COL27A1: variants seen among roughly 807,000 people sequenced by gnomAD.
The protein encoded by COL27A1 is collagen alpha-1(XXVII) chain.
A neutral mutation model predicts 251.3 loss-of-function variants in COL27A1; 106 were observed. That is an observed-to-expected ratio of 0.42 (90% CI 0.36 to 0.50). The LOEUF (loss-of-function observed/expected upper bound fraction) is 0.50, where lower values mean the gene tolerates loss of function less well. Among genes scored for constraint, COL27A1 ranks in the 20% least tolerant of loss-of-function variants. The probability of loss-of-function intolerance (pLI) is 0.00; values close to 1 mark genes in which losing one functional copy is unlikely to be tolerated. For synonymous variants in COL27A1, 1,000 were observed against 986.3 expected (o/e 1.01, Z -0.26); for missense variants, 2,325 against 2,522.8 (o/e 0.92, Z 1.68).
chr9:114,240,382 T>C, intron 20 of COL27A1, 52 bp from the exon 21 acceptor site: 2 of 1,598,676 alleles, frequency 1.3e-6, no homozygotes, highest in South Asian at 2.2e-5. Context: ...CAGCCTGCGA[T>C]GGAGATGGAG....
intron 12 of COL27A1, among the ~76,000 whole-genome samples, chr9:114,215,735 T>G (rs1214279403): frequency 6.6e-6 from 1 of 152,136 alleles, no homozygotes; most frequent in African/African-American, 2.4e-5. Context: ...CCAAGATCCT[T>G]TTGCGGGCTT....
intron 11 of COL27A1, 46 bp from the exon 12 acceptor site, chr9:114,210,936 C>T: frequency 1.2e-6 from 2 of 1,608,518 alleles, no homozygotes; most frequent in South Asian, 2.2e-5. Context: ...CCTGGCTGTC[C>T]CTGCTGGCAT....
chr9:114,187,697 G>A (rs34960704), intron 5 of COL27A1, among the ~76,000 whole-genome samples: 1,542 of 152,190 alleles, frequency 0.01, 6 homozygotes, highest in Non-Finnish European at 0.017. Context: ...CAATTATTGT[G>A]AACATTCTCC....
intron 5 of COL27A1, among the ~76,000 whole-genome samples, chr9:114,191,636 T>A (rs1194193129): frequency 6.6e-6 from 1 of 152,270 alleles, no homozygotes; most frequent in Non-Finnish European, 1.5e-5. Flanking sequence ...GTGATGTATA[T>A]GTACCACATT....
rs368642426 is a variant in COL27A1 at position 114,276,474 on chromosome 9, G to A, written c.3717+706G>A. 3.9e-5 allele frequency among the ~76,000 whole-genome samples: 6 copies of A among 152,318 alleles called. No homozygotes were observed. The East Asian group carries it at 1.2e-3, about 29-fold the overall frequency. On this transcript the variant is annotated intron_variant, in intron 37 of 60. Transcript: ENST00000356083. The stretch of plus-strand genomic sequence containing the variant: ...TGTAAAATTAGTCAGGCATGGTGGC[G>A]CATGCCTATAGTCTCAGTTACTCAG...
At chr9:114,287,686 C>T (rs1827602405) in intron 41 of COL27A1, among the ~76,000 whole-genome samples, 1 of 152,160 alleles carries the variant, frequency 6.6e-6, no homozygotes, top group Non-Finnish European at 1.5e-5. Flanking sequence ...CGCTCCAGTC[C>T]CGCTCTGCAC....
At chr9:114,305,179 T>C (rs1174175388) in intron 57 of COL27A1, among the ~76,000 whole-genome samples, 2 of 152,190 alleles carry the variant, frequency 1.3e-5, no homozygotes, top group Admixed American at 6.5e-5. Flanking sequence ...CTTGCCTCCT[T>C]CACATGACAG....
At chr9:114,230,283 G>A (rs564311651) in intron 14 of COL27A1, among the ~76,000 whole-genome samples, 1 of 152,170 alleles carries the variant, frequency 6.6e-6, no homozygotes, top group African/African-American at 2.4e-5. Flanking sequence ...ACAGAGGGAC[G>A]GTGTGGAGTT....
In COL27A1 at chr9:114,279,332, C is replaced by T. The variant is rs1231024961; in HGVS notation, c.3718-2945C>T. ...AATAATCCCTTCCTCCAAACACTGG[C>T]GAGAATTGAACAAACATTTATGTGG... is the stretch of plus-strand genomic sequence containing the variant. On this transcript the variant is annotated intron_variant, in intron 37 of 60. Transcript: ENST00000356083. Among the ~76,000 whole-genome samples the T allele has an allele frequency of 3.9e-5, 6 of 152,276 alleles. No homozygotes were observed. The East Asian group carries it at 5.8e-4, about 15-fold the overall frequency.
chr9:114,237,547 T>G (rs1181600718), intron 18 of COL27A1, 115 bp from the exon 19 acceptor site: 2 of 877,910 alleles, frequency 2.3e-6, no homozygotes, highest in Non-Finnish European at 3.8e-6. Flanking sequence ...CCAGGCAGAT[T>G]TTATGCACAT....
intron 57 of COL27A1, 27 bp from the exon 58 acceptor site, chr9:114,306,493 C>T (rs773840287): frequency 5.0e-6 from 8 of 1,612,170 alleles, no homozygotes; most frequent in Middle Eastern, 1.7e-4. Context: ...CCCTAAGGTC[C>T]CAATGACCAC....
intron 12 of COL27A1, among the ~76,000 whole-genome samples, chr9:114,213,059 G>A (rs145894437): frequency 3.3e-5 from 5 of 152,338 alleles, no homozygotes; most frequent in Non-Finnish European, 5.9e-5. Flanking sequence ...TCTCGGAGAG[G>A]TAAATGATTA....
intron 3 of COL27A1, among the ~76,000 whole-genome samples, chr9:114,173,624 C>T (rs980623779): frequency 6.6e-6 from 1 of 152,032 alleles, no homozygotes; most frequent in East Asian, 1.9e-4. Flanking sequence ...CTCTAAGCCT[C>T]AGTTTCTGCC....
At chr9:114,226,546 G>A (rs1831482095) in intron 14 of COL27A1, among the ~76,000 whole-genome samples, 1 of 152,358 alleles carries the variant, frequency 6.6e-6, no homozygotes, top group African/African-American at 2.4e-5. Context: ...GTGCTGAACA[G>A]AGATAGCGTG....
Position 114,209,682 on chromosome 9 carries a change from T to A in COL27A1, c.2276T>A (p.Ile759Asn). The change falls in exon 11 of 61, where the codon ATT (isoleucine) becomes AAT (asparagine). Residue 759 changes from isoleucine to asparagine, a missense_variant. Ile to Asn is a moderately radical substitution (Grantham distance 149, BLOSUM62 -3). This residue lies in a region of COL27A1 where 1,183 missense variants were observed against 1,144.1 expected (regional missense o/e 1.03). Transcript: ENST00000356083. ...DPGPKGSRGY[I>N]GLPGLFGLPG... ...CTTTCTTCTCTTTCCTAGGGCTACA[T>A]TGGGCTCCCAGGGCTCTTCGGCCTG... The A allele has an allele frequency of 3.1e-6, 5 of 1,614,164 alleles. No homozygotes were observed. Among genetic ancestry groups the A allele is most frequent in the Non-Finnish European group, 3.4e-6 (4 of 1,179,990 alleles).
Position 114,267,051 on chromosome 9 carries a change from A to G in COL27A1, c.3447+433A>G, listed in dbSNP as rs182066923. ...TATCCAGAGGGAAAAACCAAGCCCCAGGGTTTATGCAAGGGCTGCAGCCAT... is the reference window on the plus strand; with the variant it reads ...TATCCAGAGGGAAAAACCAAGCCCCGGGGTTTATGCAAGGGCTGCAGCCAT... On this transcript the variant is annotated intron_variant, in intron 33 of 60. Transcript: ENST00000356083. Among the ~76,000 whole-genome samples, 155 of 152,294 alleles carry G rather than the reference A, an allele frequency of 1.0e-3. 1 individual carries two copies. The highest frequency in any genetic ancestry group is 6.0e-3 in the Admixed American group (92 of 15,296).
intron 16 of COL27A1, among the ~76,000 whole-genome samples, chr9:114,234,099 C>T (rs111254332): frequency 5.9e-5 from 9 of 152,150 alleles, no homozygotes; most frequent in Non-Finnish European, 7.4e-5. Context: ...GCTCCTGCTC[C>T]GAGCCCAGCT....
intron 40 of COL27A1, among the ~76,000 whole-genome samples, chr9:114,284,495 G>A (rs1320011543): frequency 6.6e-6 from 1 of 152,182 alleles, no homozygotes; most frequent in African/African-American, 2.4e-5. Flanking sequence ...CTCCAGGGTG[G>A]GGCCCCCAAC....
intron 35 of COL27A1, 138 bp from the exon 36 acceptor site, chr9:114,270,590 G>T: frequency 1.6e-6 from 1 of 641,604 alleles, no homozygotes. Flanking sequence ...CACCCACTGT[G>T]TGCCAGGGCC....
Sources: gnomAD v4.1 joint callset for allele counts (sites outside exome capture counted in the v4.1 genomes callset) on GRCh38, gnomAD v4.1.1 for gene constraint, gnomAD v4.1.1 regional missense constraint, MANE v1.5 for transcripts, NCBI Gene and HGNC (gene_info 2026-07-23, HGNC 2026-07-21) for gene names.